The following BTBD6 variants were observed in gnomAD, a reference collection of about 807,000 sequenced individuals.
BTBD6 encodes BTB/POZ domain-containing protein 6.
BTBD6 carries 30 observed loss-of-function variants against 40.6 expected under a neutral mutation model. The ratio of observed to expected loss-of-function variants is 0.74; its 90% CI spans 0.55 to 1.00. The LOEUF (loss-of-function observed/expected upper bound fraction) is 1.00, where lower values mean the gene tolerates loss of function less well. BTBD6 is among the 50% of genes least tolerant of loss of function. BTBD6 has a pLI of 0.00. For synonymous variants in BTBD6, 378 were observed against 308.7 expected, an observed-to-expected ratio of 1.22 and a Z score of -2.35; for missense variants, 698 against 694.6, an observed-to-expected ratio of 1.00 and a Z score of -0.06.
chr14:105,248,592 G>A lies in BTBD6; in HGVS notation c.-120G>A. The A allele has an allele frequency of 1.0e-6, 1 of 958,248 alleles. No individual in the cohort carries two copies. The highest frequency in any genetic ancestry group is 1.2e-6 in the Non-Finnish European group (1 of 809,388). 59.4% of individuals were successfully genotyped at this position (958,248 alleles called of 1,614,324 possible). On this transcript the variant is annotated 5_prime_UTR_variant, in exon 1 of 4. Coordinates refer to ENST00000392554, the MANE Select transcript of BTBD6 (RefSeq NM_001387567.1). ...GCTCGGGCGGGCGGGCGGGCGGGAC[G>A]GCGCCCCCCGCGGCCGGGCCTGGCC...
rs1324796162 is a variant in BTBD6 at position 105,249,344 on chromosome 14, C to T, written c.466-16C>T. ...TGCGGGAGAGCCAGGCTCACGGCGGCGCTTTCTCCTCCCAGTACGTCTTGG... is the reference window on the plus strand; with the variant it reads ...TGCGGGAGAGCCAGGCTCACGGCGGTGCTTTCTCCTCCCAGTACGTCTTGG... On this transcript the variant is annotated splice_polypyrimidine_tract_variant and intron_variant, in intron 2 of 3. Coordinates refer to ENST00000392554, the MANE Select transcript of BTBD6 (RefSeq NM_001387567.1). The T allele has an allele frequency of 6.2e-7, 1 of 1,606,158 alleles. No individual in the cohort carries two copies. Among genetic ancestry groups the T allele is most frequent in the Non-Finnish European group, 8.5e-7 (1 of 1,176,948 alleles).
Position 105,248,571 on chromosome 14 carries a change from G to A in BTBD6, c.-141G>A, listed in dbSNP as rs979848042. 3.8e-6 allele frequency: 1 copy of A among 266,480 alleles called. No individual in the cohort carries two copies. The highest frequency in any genetic ancestry group is 3.8e-5 in the African/African-American group (1 of 26,262). 16.5% of individuals were successfully genotyped at this position (266,480 alleles called of 1,614,324 possible). On this transcript the variant is annotated 5_prime_UTR_variant, in exon 1 of 4. Transcript: ENST00000392554. ...CCGGCGCCGCGGCGGGTACGGGCTC[G>A]GGCGGGCGGGCGGGCGGGACGGCGC...
In BTBD6 at chr14:105,249,211, G is replaced by T; in HGVS notation, c.429G>T (p.Gly143=). The T allele has an allele frequency of 6.3e-7, 1 of 1,587,872 alleles. No individual in the cohort carries two copies. The stretch of plus-strand genomic sequence containing the variant: ...TGGCCGACGTGCACTTCGTCGTGGG[G>T]CCCCCGGGGGCGACCAGGACGGTGC... ...ELMADVHFVV[G]PPGATRTVPA... Residue 143 remains glycine (G), a synonymous_variant, in exon 2 of 4, where the codon GGG becomes GGT. Coordinates refer to ENST00000392554, the MANE Select transcript of BTBD6 (RefSeq NM_001387567.1).
chr14:105,250,286 G>A lies in BTBD6; in HGVS notation c.1231G>A (p.Asp411Asn), dbSNP rs1335843784. 4 of 1,613,142 alleles carry A rather than the reference G, an allele frequency of 2.5e-6. No individual in the cohort carries two copies. Among genetic ancestry groups the A allele is most frequent in the African/African-American group, 1.3e-5 (1 of 75,064 alleles). ...SNQWRYRGRC[D>N]SIQFAVDRRV... The stretch of plus-strand genomic sequence containing the variant: ...CCAGTGGCGGTACCGCGGGCGCTGC[G>A]ACAGCATCCAGTTTGCAGTGGACAG... The change falls in exon 4 of 4, where the codon GAC becomes AAC. Residue 411 changes from aspartate (D) to asparagine (N), a missense_variant. Asp to Asn is a conservative substitution (Grantham distance 23). Coordinates refer to ENST00000392554, the MANE Select transcript of BTBD6 (RefSeq NM_001387567.1).
chr14:105,250,609 G>C lies in BTBD6; in HGVS notation c.1554G>C (p.Ser518=), dbSNP rs143014258. The C allele has an allele frequency of 1.1e-5, 17 of 1,613,846 alleles. No individual in the cohort carries two copies. Among genetic ancestry groups the C allele is most frequent in the African/African-American group, 4.0e-5 (3 of 74,902 alleles). The change falls in exon 4 of 4, where the codon TCG becomes TCC. Residue 518 remains serine (S), a synonymous_variant. Coordinates refer to ENST00000392554, the MANE Select transcript of BTBD6 (RefSeq NM_001387567.1). ...GKVAFQFQCS[S]DSTNGTGVQG... ...TGGCCTTCCAGTTCCAGTGCTCCTC[G>C]GACAGCACCAACGGGACTGGGGTCC... is the stretch of plus-strand genomic sequence containing the variant.
rs1203623519 is a variant in BTBD6, at chr14:105,249,000, C to T, written c.289C>T (p.Pro97Ser). 6 of 1,024,908 alleles carry T rather than the reference C, an allele frequency of 5.9e-6. No individual in the cohort carries two copies. The highest frequency in any genetic ancestry group is 7.0e-6 in the Non-Finnish European group (6 of 857,402). 63.5% of individuals were successfully genotyped at this position (1,024,908 alleles called of 1,614,324 possible). Residue 97 changes from proline to serine, a missense_variant, in exon 1 of 4, where the codon CCG (proline) becomes TCG (serine). Pro to Ser is a moderately conservative substitution (Grantham distance 74, BLOSUM62 -1). Transcript: ENST00000392554. ...CAGCGCCCCCGCGCCAGCGCCGCCG[C>T]CGCCCGCGCCCGCGCCGCCCACACT... ...PPSAPAPAPP[P>S]PAPAPPTLGN...
rs1477418914 is a variant in BTBD6 at position 105,248,586 on chromosome 14, C to T, written c.-126C>T. The T allele has an allele frequency of 2.3e-5, 6 of 263,898 alleles. No individual in the cohort carries two copies. The highest frequency in any genetic ancestry group is 1.7e-4 in the South Asian group (1 of 5,986). The allele number at this position is 263,898 out of a possible 1,614,324, so 16.3% of individuals were successfully genotyped here. A position where few individuals can be genotyped will look rare whatever the true frequency, so the allele number is the denominator to read the frequency against. The stretch of plus-strand genomic sequence containing the variant: ...GTACGGGCTCGGGCGGGCGGGCGGG[C>T]GGGACGGCGCCCCCCGCGGCCGGGC... On this transcript the variant is annotated 5_prime_UTR_variant, in exon 1 of 4. Transcript: ENST00000392554.
In BTBD6 at chr14:105,250,696, G is replaced by A. The variant is rs370097571; in HGVS notation, c.*24G>A. 6 of 1,588,338 alleles carry A rather than the reference G, an allele frequency of 3.8e-6. No homozygotes were observed. The African/African-American group carries it at 5.4e-5, about 14-fold the overall frequency. On this transcript the variant is annotated 3_prime_UTR_variant, in exon 4 of 4. Coordinates refer to ENST00000392554, the MANE Select transcript of BTBD6 (RefSeq NM_001387567.1). The stretch of plus-strand genomic sequence containing the variant: ...GAGGTGCCCGGGGAGGCTGCAGCAG[G>A]TCAGCGAGTGAGTGGAGGGGAAGTC...
chr14:105,249,906 C>T lies in BTBD6; in HGVS notation c.851C>T (p.Thr284Met). 2 of 1,611,278 alleles carry T rather than the reference C, an allele frequency of 1.2e-6. No homozygotes were observed. Residue 284 changes from threonine to methionine, a missense_variant, in exon 4 of 4, where the codon ACG becomes ATG. Coordinates refer to ENST00000392554, the MANE Select transcript of BTBD6 (RefSeq NM_001387567.1). The part of the protein sequence containing the change: ...SEGFCEIDRQ[T>M]LEIIVTREAL... The stretch of plus-strand genomic sequence containing the variant: ...GGCTTCTGTGAGATAGACCGGCAGA[C>T]GCTGGAGATCATTGTCACTCGGGAG...
chr14:105,248,990 AGCGCCGCCGCCGCCCGCGCCC>A lies in BTBD6; in HGVS notation c.288_308del (p.Pro97_Pro103del), dbSNP rs1566833437. The A allele has an allele frequency of 7.0e-6, 7 of 994,110 alleles. No homozygotes were observed. Among genetic ancestry groups the A allele is most frequent in the Admixed American group, 6.3e-5 (1 of 15,962 alleles). 61.6% of individuals were successfully genotyped at this position (994,110 alleles called of 1,614,324 possible). A position where few individuals can be genotyped will look rare whatever the true frequency, so the allele number is the denominator to read the frequency against. On this transcript the variant is annotated inframe_deletion, in exon 1 of 4. Transcript: ENST00000392554. ...GCAGCCCGCCCAGCGCCCCCGCGCCAGCGCCGCCGCCGCCCGCGCCCGCGCCGCCCACACTCGGCAACAACC... is the reference window on the plus strand; with the variant it reads ...GCAGCCCGCCCAGCGCCCCCGCGCCAGCGCCGCCCACACTCGGCAACAACC...
Position 105,249,032 on chromosome 14 carries a change from C to T in BTBD6, c.321C>T (p.Asn107=). The part of the protein sequence containing the change: ...PPAPAPPTLG[N]NHQESPGWRC... ...CGCCCGCGCCGCCCACACTCGGCAA[C>T]AACCACCAGGAGAGCCCCGGCTGGC... The change falls in exon 1 of 4, where the codon AAC becomes AAT. Residue 107 remains asparagine, a synonymous_variant. Coordinates refer to ENST00000392554, the MANE Select transcript of BTBD6 (RefSeq NM_001387567.1). 3.3e-6 allele frequency: 4 copies of T among 1,200,204 alleles called. No individual in the cohort carries two copies. The highest frequency in any genetic ancestry group is 4.1e-6 in the Non-Finnish European group (4 of 970,738). 74.3% of individuals were successfully genotyped at this position (1,200,204 alleles called of 1,614,324 possible). A position where few individuals can be genotyped will look rare whatever the true frequency, so the allele number is the denominator to read the frequency against.
At chr14:105,249,278 T>TGCCCCGCGC in intron 2 of BTBD6, 31 bp downstream of exon 2, 2 of 1,564,946 alleles carry the variant, frequency 1.3e-6, no homozygotes, top group Non-Finnish European at 1.7e-6. Context: ...TCGGAACGCG[T>TGCCCCGCGC]GCCCCGTCCG....
In BTBD6 at chr14:105,250,959, G is replaced by A. The variant is rs1039798042; in HGVS notation, c.*287G>A. 3 of 405,852 alleles carry A rather than the reference G, an allele frequency of 7.4e-6. No homozygotes were observed. The highest frequency in any genetic ancestry group is 4.2e-5 in the East Asian group (1 of 23,860). 25.1% of individuals were successfully genotyped at this position (405,852 alleles called of 1,614,324 possible). The stretch of plus-strand genomic sequence containing the variant: ...GGCACCCATGCCACCTGCTTTGAGG[G>A]GTTGGATCTTCCTGCTACCCTCTTG... On this transcript the variant is annotated 3_prime_UTR_variant, in exon 4 of 4. Coordinates refer to ENST00000392554, the MANE Select transcript of BTBD6 (RefSeq NM_001387567.1).
Position 105,248,599 on chromosome 14 carries a change from C to T in BTBD6, c.-113C>T. ...CGGGCGGGCGGGCGGGACGGCGCCC[C>T]CCGCGGCCGGGCCTGGCCGGGCTGC... On this transcript the variant is annotated 5_prime_UTR_variant, in exon 1 of 4. Transcript: ENST00000392554. The T allele has an allele frequency of 1.0e-6, 1 of 962,174 alleles. No homozygotes were observed. The highest frequency in any genetic ancestry group is 1.2e-6 in the Non-Finnish European group (1 of 814,926). 59.6% of individuals were successfully genotyped at this position (962,174 alleles called of 1,614,324 possible). A position where few individuals can be genotyped will look rare whatever the true frequency, so the allele number is the denominator to read the frequency against.
rs1401723154 is a variant in BTBD6 at position 105,248,739 on chromosome 14, G to C, written c.28G>C (p.Gly10Arg). The change falls in exon 1 of 4, where the codon GGC (glycine) becomes CGC (arginine). Residue 10 changes from glycine to arginine, a missense_variant. By Grantham distance (125) the Gly-to-Arg change is moderately radical. Coordinates refer to ENST00000392554, the MANE Select transcript of BTBD6 (RefSeq NM_001387567.1). ...GCTGCTGCCCCTAGCCTGCCTGCACGGCCGCGTCGCTCAGTGCCTGACCTC... is the reference window on the plus strand; with the variant it reads ...GCTGCTGCCCCTAGCCTGCCTGCACCGCCGCGTCGCTCAGTGCCTGACCTC... MLLPLACLHGRVAQCLTSLL... is the reference protein window; with the variant it reads MLLPLACLHRRVAQCLTSLL... 1 of 981,736 alleles carries C rather than the reference G, an allele frequency of 1.0e-6. No homozygotes were observed. The highest frequency in any genetic ancestry group is 1.2e-6 in the Non-Finnish European group (1 of 829,020). 60.8% of individuals were successfully genotyped at this position (981,736 alleles called of 1,614,324 possible).
chr14:105,250,610 G>A lies in BTBD6; in HGVS notation c.1555G>A (p.Asp519Asn). ...KVAFQFQCSS[D>N]STNGTGVQGG... ...GGCCTTCCAGTTCCAGTGCTCCTCG[G>A]ACAGCACCAACGGGACTGGGGTCCA... The change falls in exon 4 of 4, where the codon GAC (aspartate) becomes AAC (asparagine). Residue 519 changes from aspartate (D) to asparagine (N), a missense_variant. By Grantham distance (23) the Asp-to-Asn change is conservative (BLOSUM62 1). Transcript: ENST00000392554. 1 of 1,613,998 alleles carries A rather than the reference G, an allele frequency of 6.2e-7. No homozygotes were observed. The highest frequency in any genetic ancestry group is 8.5e-7 in the Non-Finnish European group (1 of 1,180,026).
At position 105,249,253 on chromosome 14, in the gene BTBD6, T is replaced by C; in HGVS notation, c.465+6T>C. ...GGACGGTGCCCGCCCACAAGGTGGGTAGCGGCGGCCCCTCTCGGAACGCGT... is the reference window on the plus strand; with the variant it reads ...GGACGGTGCCCGCCCACAAGGTGGGCAGCGGCGGCCCCTCTCGGAACGCGT... On this transcript the variant is annotated splice_donor_region_variant and intron_variant, in intron 2 of 3. Coordinates refer to ENST00000392554, the MANE Select transcript of BTBD6 (RefSeq NM_001387567.1). 1 of 1,569,412 alleles carries C rather than the reference T, an allele frequency of 6.4e-7. No individual in the cohort carries two copies. Among genetic ancestry groups the C allele is most frequent in the Non-Finnish European group, 8.6e-7 (1 of 1,162,184 alleles).
chr14:105,249,752 G>A lies in BTBD6; in HGVS notation c.697G>A (p.Glu233Lys). ...ALAKACVNFL[E>K]TSLEAKNACV... ...GGCAAAAGCCTGTGTCAACTTTCTG[G>A]AGACAAGTTTGGAAGCCAAGAACGC... Residue 233 changes from glutamate (E) to lysine (K), a missense_variant, in exon 4 of 4, where the codon GAG becomes AAG. Physicochemically the swap from Glu to Lys is moderately conservative, Grantham distance 56. Transcript: ENST00000392554. 6.2e-7 allele frequency: 1 copy of A among 1,613,904 alleles called. No homozygotes were observed. Among genetic ancestry groups the A allele is most frequent in the Non-Finnish European group, 8.5e-7 (1 of 1,180,040 alleles).
Position 105,248,770 on chromosome 14 carries a change from T to C in BTBD6, c.59T>C (p.Leu20Pro). Residue 20 changes from leucine (L) to proline (P), a missense_variant, in exon 1 of 4, where the codon CTT becomes CCT. Transcript: ENST00000392554. ...GTCGCTCAGTGCCTGACCTCCTTGC[T>C]TTTGCTTGCAGAGCCGCTCCCGAGG... ...GRVAQCLTSL[L>P]LLAEPLPRPR... 7 of 981,206 alleles carry C rather than the reference T, an allele frequency of 7.1e-6. No individual in the cohort carries two copies. Among genetic ancestry groups the C allele is most frequent in the Non-Finnish European group, 8.4e-6 (7 of 828,786 alleles). The allele number at this position is 981,206 out of a possible 1,614,324, so 60.8% of individuals were successfully genotyped here. A position where few individuals can be genotyped will look rare whatever the true frequency, so the allele number is the denominator to read the frequency against.
Sources: allele counts gnomAD v4.1 joint callset, GRCh38; gene constraint gnomAD v4.1.1; transcripts MANE v1.5; gene names NCBI Gene and HGNC (gene_info 2026-07-23, HGNC 2026-07-21).